Variants in LCLAT1 observed in about 807,000 individuals in gnomAD.
LCLAT1 encodes lysocardiolipin acyltransferase 1.
In LCLAT1, 11 loss-of-function variants were observed where a neutral mutation model predicts 30.7. The ratio of observed to expected loss-of-function variants is 0.36; its 90% confidence interval spans 0.23 to 0.59. The LOEUF is 0.59. LCLAT1 is among the 20% of genes least tolerant of loss of function. LCLAT1 has a pLI of 0.77. For synonymous variants in LCLAT1, 155 were observed against 151.3 expected (o/e 1.02, Z -0.18); for missense variants, 402 against 458.6 (o/e 0.88, Z 1.13).
intron 1 of LCLAT1, among the ~76,000 whole-genome samples, chr2:30,524,620 T>C (rs1685621290): frequency 6.6e-6 from 1 of 152,218 alleles, no homozygotes; most frequent in Non-Finnish European, 1.5e-5. Flanking sequence ...ACGTGAATTA[T>C]CCCTTTGTCC....
chr2:30,628,704 T>G (rs1668628904), intron 5 of LCLAT1, among the ~76,000 whole-genome samples: 1 of 152,146 alleles, frequency 6.6e-6, no homozygotes, highest in African/African-American at 2.4e-5. Context: ...CAACTTGGTA[T>G]TTCAGTACAA....
intron 5 of LCLAT1, among the ~76,000 whole-genome samples, chr2:30,610,253 A>C (rs1295287875): frequency 6.6e-6 from 1 of 152,086 alleles, no homozygotes; most frequent in Non-Finnish European, 1.5e-5. Flanking sequence ...AATTATATGC[A>C]GGGCAAAGCA....
chr2:30,508,660 T>C (rs182114449), intron 1 of LCLAT1, among the ~76,000 whole-genome samples: 87 of 152,306 alleles, frequency 5.7e-4, no homozygotes, highest in Non-Finnish European at 1.0e-4. Context: ...TGTAGCCCTG[T>C]AATATAGTTT....
intron 1 of LCLAT1, among the ~76,000 whole-genome samples, chr2:30,449,970 A>G (rs1025435256): frequency 2.0e-5 from 3 of 151,668 alleles, no homozygotes; most frequent in African/African-American, 7.3e-5. Context: ...ATTTATTAAT[A>G]AAATAGGATG....
At chr2:30,550,826 C>T (rs1664644918) in intron 3 of LCLAT1, among the ~76,000 whole-genome samples, 1 of 152,094 alleles carries the variant, frequency 6.6e-6, no homozygotes, top group African/African-American at 2.4e-5. Context: ...ATTATTCATA[C>T]TTCTGTGGAA....
chr2:30,607,786 G>A (rs1402453772), intron 5 of LCLAT1: 2 of 151,884 alleles, frequency 1.3e-5, no homozygotes, highest in African/African-American at 4.9e-5. Context: ...CTTGCAGTGA[G>A]ACAAGATGTG....
chr2:30,596,180 T>C (rs1413428621), intron 5 of LCLAT1, among the ~76,000 whole-genome samples: 2 of 152,196 alleles, frequency 1.3e-5, no homozygotes, highest in Non-Finnish European at 2.9e-5. Context: ...CTGGGTCAAA[T>C]GGCATTTCTG....
At chr2:30,537,956 A>G (rs1430345631) in intron 3 of LCLAT1, among the ~76,000 whole-genome samples, 2 of 152,174 alleles carry the variant, frequency 1.3e-5, no homozygotes, top group Non-Finnish European at 2.9e-5. Flanking sequence ...ATACTTGGAA[A>G]TTAAACATGC....
At chr2:30,452,328 A>G (rs1681594195) in intron 1 of LCLAT1, among the ~76,000 whole-genome samples, 1 of 152,232 alleles carries the variant, frequency 6.6e-6, no homozygotes, top group Admixed American at 6.5e-5. Context: ...GAGGTACTTT[A>G]AAAGAATTTA....
chr2:30,634,540 C>T lies in LCLAT1; in HGVS notation c.629-5577C>T, dbSNP rs531225705. 3.3e-5 allele frequency among the ~76,000 whole-genome samples: 5 copies of T among 152,270 alleles called. No homozygotes were observed. The East Asian group carries it at 7.7e-4, about 24-fold the overall frequency. On this transcript the variant is annotated intron_variant, in intron 5 of 5. Transcript: ENST00000379509. ...ACTCGGGAGGCTGAGGCAGGAGAAT[C>T]ACTTGAACCCAGGAGTGGAGGTTGC... is the stretch of plus-strand genomic sequence containing the variant.
chr2:30,454,957 C>G (rs1202505405), intron 1 of LCLAT1, among the ~76,000 whole-genome samples: 1 of 152,166 alleles, frequency 6.6e-6, no homozygotes. Context: ...TTTAGCTTCT[C>G]TTTCCTTCAG....
At chr2:30,497,735 T>A (rs1390633924) in intron 1 of LCLAT1, among the ~76,000 whole-genome samples, 5 of 152,216 alleles carry the variant, frequency 3.3e-5, no homozygotes, top group African/African-American at 1.2e-4. Context: ...TTCTTGTTAC[T>A]TTGTTTCTTA....
chr2:30,605,209 C>T (rs1667382278), intron 5 of LCLAT1, among the ~76,000 whole-genome samples: 1 of 152,204 alleles, frequency 6.6e-6, no homozygotes, highest in African/African-American at 2.4e-5. Flanking sequence ...TACTTGCTAA[C>T]CTAAACGTGT....
chr2:30,503,929 T>C (rs888645974), intron 1 of LCLAT1, among the ~76,000 whole-genome samples: 2 of 152,214 alleles, frequency 1.3e-5, no homozygotes, highest in Non-Finnish European at 2.9e-5. Context: ...TTAGTTGATT[T>C]TCCTTAGCCT....
In LCLAT1 at chr2:30,640,602, T is replaced by A; in HGVS notation, c.1114T>A (p.Ser372Thr). ...RLLHKQPHLN[S>T]KKNE ...TTTACACAAACAGCCACATTTAAAT[T>A]CAAAGAAAAATGAGTAAGATTATAA... Residue 372 changes from serine (S) to threonine (T), a missense_variant, in exon 6 of 6, where the codon TCA becomes ACA. By Grantham distance (58) the Ser-to-Thr change is moderately conservative. Transcript: ENST00000379509. 6.2e-7 allele frequency: 1 copy of A among 1,602,572 alleles called. No homozygotes were observed. The highest frequency in any genetic ancestry group is 8.5e-7 in the Non-Finnish European group (1 of 1,175,828).
At chr2:30,513,308 A>T (rs1411552574) in intron 1 of LCLAT1, among the ~76,000 whole-genome samples, 5 of 151,648 alleles carry the variant, frequency 3.3e-5, no homozygotes, top group Admixed American at 2.6e-4. Context: ...AAATATATAA[A>T]TATCAATAAA....
At chr2:30,552,516 G>A (rs1664725693) in intron 3 of LCLAT1, 1 of 448,228 alleles carries the variant, frequency 2.2e-6, no homozygotes, top group Admixed American at 2.4e-5. Context: ...GAAACCTAAT[G>A]ATACAGGCAT....
At position 30,459,760 on chromosome 2, in the gene LCLAT1, G is replaced by C. The variant is rs1193017418; in HGVS notation, c.-5+12377G>C. 1.4e-5 allele frequency: 20 copies of C among 1,414,926 alleles called. No individual in the cohort carries two copies. The Admixed American group carries it at 3.4e-4, about 24-fold the overall frequency. 87.6% of individuals were successfully genotyped at this position (1,414,926 alleles called of 1,614,324 possible). Reference sequence around the variant, plus strand: ...AATGATTTAGATGCTTGAGGTTTTTGTCTTGCTTCATATATCTGAACACAA... The same window carrying C: ...AATGATTTAGATGCTTGAGGTTTTTCTCTTGCTTCATATATCTGAACACAA... On this transcript the variant is annotated intron_variant, in intron 1 of 5. Transcript: ENST00000379509.
chr2:30,470,548 A>G (rs1282988834), intron 1 of LCLAT1, among the ~76,000 whole-genome samples: 1 of 152,248 alleles, frequency 6.6e-6, no homozygotes, highest in Non-Finnish European at 1.5e-5. Flanking sequence ...GCCTATGTGC[A>G]GGAATGAGCA....
Sources: gnomAD v4.1 joint callset for allele counts (sites outside exome capture counted in the v4.1 genomes callset) on GRCh38, gnomAD v4.1.1 for gene constraint, MANE v1.5 for transcripts, NCBI Gene and HGNC (gene_info 2026-07-23, HGNC 2026-07-21) for gene names.